ZNF827: variants seen among roughly 807,000 people sequenced by gnomAD.
ZNF827 encodes zinc finger protein 827.
Under a neutral mutation model 102.4 loss-of-function variants are expected in ZNF827, and 13 were observed. That is an observed-to-expected ratio of 0.13 (90% confidence interval 0.08 to 0.20). The LOEUF is 0.20. Among genes scored for constraint, ZNF827 ranks in the 10% least tolerant of loss-of-function variants. ZNF827 has a pLI of 1.00. For synonymous variants in ZNF827, 523 were observed against 536.2 expected, an observed-to-expected ratio of 0.98 and a Z score of 0.34; for missense variants, 1,103 against 1,344.4, an observed-to-expected ratio of 0.82 and a Z score of 2.81.
At chr4:145,869,412 C>T (rs999267254) in intron 5 of ZNF827, among the ~76,000 whole-genome samples, 5 of 152,134 alleles carry the variant, frequency 3.3e-5, no homozygotes, top group South Asian at 2.1e-4. Context: ...AAACAGCTTT[C>T]GATTCATATT....
chr4:145,924,863 G>C (rs1405159126), intron 1 of ZNF827, among the ~76,000 whole-genome samples: 1 of 152,014 alleles, frequency 6.6e-6, no homozygotes. Context: ...CCTTATCTTA[G>C]TGTCTCTCAC....
At chr4:145,846,802 G>A (rs929765655) in intron 6 of ZNF827, among the ~76,000 whole-genome samples, 3 of 145,636 alleles carry the variant, frequency 2.1e-5, no homozygotes, top group African/African-American at 7.7e-5. Context: ...GAGCAACAGA[G>A]CAAGACTCTG....
Position 145,761,816 on chromosome 4 carries a change from G to T in ZNF827, c.*18-218C>A, listed in dbSNP as rs1734549739. On this transcript the variant is annotated intron_variant, in intron 14 of 14. Coordinates refer to ENST00000508784, the MANE Select transcript of ZNF827 (RefSeq NM_001306215.2). The surrounding 1 kb of genome is among the most constrained non-coding windows in gnomAD (Gnocchi z 6.8). ...CCCGCTGACAAGCAGCTCTGGCAAG[G>T]TCCGCTCAGCCTATTCTGGGTCTCT... is the stretch of plus-strand genomic sequence containing the variant. 6.6e-6 allele frequency among the ~76,000 whole-genome samples: 1 copy of T among 152,292 alleles called. No individual in the cohort carries two copies.
chr4:145,852,628 G>A (rs1195149746), intron 5 of ZNF827, among the ~76,000 whole-genome samples: 3 of 152,060 alleles, frequency 2.0e-5, no homozygotes, highest in East Asian at 1.9e-4. Flanking sequence ...TCTCAACCTC[G>A]GTACTACTGA....
At chr4:145,767,753 T>A (rs985607961) in intron 11 of ZNF827, among the ~76,000 whole-genome samples, 2 of 152,118 alleles carry the variant, frequency 1.3e-5, no homozygotes, top group African/African-American at 2.4e-5. Context: ...TAAAATCTTA[T>A]ACCCAGTGAA....
intron 7 of ZNF827, among the ~76,000 whole-genome samples, chr4:145,827,198 C>T (rs984326278): frequency 6.6e-6 from 1 of 152,210 alleles, no homozygotes. Flanking sequence ...CATCTGCACT[C>T]TTTCCCGCTC....
intron 7 of ZNF827, among the ~76,000 whole-genome samples, chr4:145,841,417 GT>G (rs1745404675): frequency 6.6e-6 from 1 of 152,170 alleles, no homozygotes; most frequent in African/African-American, 2.4e-5. Flanking sequence ...ATAATAGCTA[GT>G]TATCTGCTCC....
rs112549441 is a variant in ZNF827, at chr4:145,778,099, T to C, written c.2521+1275A>G. Among the ~76,000 whole-genome samples the C allele has an allele frequency of 1.4e-3, 212 of 152,260 alleles. 1 individual carries two copies. Among genetic ancestry groups the C allele is most frequent in the African/African-American group, 4.8e-3 (200 of 41,584 alleles). On this transcript the variant is annotated intron_variant, in intron 9 of 14. Transcript: ENST00000508784. The stretch of plus-strand genomic sequence containing the variant: ...AAATATAAAAAGAAAAGACACCAGT[T>C]TGGGCAGCATGGAGAAACCCCATTT...
chr4:145,923,631 T>C lies in ZNF827; in HGVS notation c.43+14734A>G, dbSNP rs566883350. 5.9e-5 allele frequency among the ~76,000 whole-genome samples: 9 copies of C among 152,164 alleles called. No individual in the cohort carries two copies. The South Asian group carries it at 1.5e-3, about 25-fold the overall frequency. ...AAAAAAGACTGAATGCCGTAGCAGA[T>C]AGGAGACTCTCGTTGTCTTCTGTTA... On this transcript the variant is annotated intron_variant, in intron 1 of 14. Coordinates refer to ENST00000508784, the MANE Select transcript of ZNF827 (RefSeq NM_001306215.2).
intron 3 of ZNF827, among the ~76,000 whole-genome samples, chr4:145,889,896 A>G (rs1478483784): frequency 6.6e-6 from 1 of 151,568 alleles, no homozygotes; most frequent in Non-Finnish European, 1.5e-5. Flanking sequence ...AGAATCGCTT[A>G]GAGCCCGGAG....
chr4:145,909,933 T>A (rs144241926), intron 1 of ZNF827, among the ~76,000 whole-genome samples: 41 of 152,250 alleles, frequency 2.7e-4, no homozygotes, highest in African/African-American at 9.6e-4. Context: ...GGACAGAGAC[T>A]CGGAGATTAC....
rs954391741 is a variant in ZNF827, at chr4:145,758,355, C to A, written c.*3261G>T. 6.6e-6 allele frequency: 1 copy of A among 152,178 alleles called. No individual in the cohort carries two copies. Among genetic ancestry groups the A allele is most frequent in the African/African-American group, 2.4e-5 (1 of 41,442 alleles). 9.4% of individuals were successfully genotyped at this position (152,178 alleles called of 1,614,324 possible). ...CGTTCTTGAAAGTTTCAACCCTAGA[C>A]CTCCTATTGCACAAGTGGCATGCTG... On this transcript the variant is annotated 3_prime_UTR_variant, in exon 15 of 15. Coordinates refer to ENST00000508784, the MANE Select transcript of ZNF827 (RefSeq NM_001306215.2).
Position 145,774,510 on chromosome 4 carries a change from G to A in ZNF827, c.2856C>T (p.His952=). ...AEIKTHIGTK[H]TGEDRKTPSE... is the part of the protein sequence containing the mutation. Reference sequence around the variant, plus strand: ...AGGACAGACAGGAATGGTCACCTGTGTGCTTGGTGCCAATGTGAGTCTTTA... The same window carrying A: ...AGGACAGACAGGAATGGTCACCTGTATGCTTGGTGCCAATGTGAGTCTTTA... The change falls in exon 11 of 15, where the codon CAC becomes CAT. Residue 952 remains histidine, a synonymous_variant. Transcript: ENST00000508784. The A allele has an allele frequency of 6.2e-7, 1 of 1,610,068 alleles. No individual in the cohort carries two copies. The highest frequency in any genetic ancestry group is 2.2e-5 in the East Asian group (1 of 44,850).
At chr4:145,832,148 C>T (rs2126549739) in intron 7 of ZNF827, 1 of 152,270 alleles carries the variant, frequency 6.6e-6, no homozygotes, top group East Asian at 1.9e-4. Context: ...GCCTGTAGTC[C>T]CAGCTACATG....
intron 1 of ZNF827, among the ~76,000 whole-genome samples, chr4:145,905,005 G>A (rs569708519): frequency 1.6e-4 from 24 of 152,338 alleles, no homozygotes; most frequent in South Asian, 1.4e-3. Context: ...ACTGCAAGGC[G>A]TGAGAAGTGA....
At chr4:145,882,334 G>T (rs1442619039) in intron 4 of ZNF827, among the ~76,000 whole-genome samples, 1 of 152,206 alleles carries the variant, frequency 6.6e-6, no homozygotes, top group Non-Finnish European at 1.5e-5. Flanking sequence ...AGCCCTGAAA[G>T]CTGCCCATAC....
At chr4:145,886,549 A>G (rs1360572417) in intron 3 of ZNF827, among the ~76,000 whole-genome samples, 2 of 152,188 alleles carry the variant, frequency 1.3e-5, no homozygotes, top group African/African-American at 2.4e-5. Flanking sequence ...TTCCTCTCAC[A>G]ATAATGATAC....
chr4:145,890,812 A>T (rs1750529447), intron 3 of ZNF827, among the ~76,000 whole-genome samples: 1 of 152,232 alleles, frequency 6.6e-6, no homozygotes, highest in South Asian at 2.1e-4. Context: ...AATTCAGCCA[A>T]CCAGAACTCC....
intron 9 of ZNF827, among the ~76,000 whole-genome samples, chr4:145,776,862 C>T (rs1364804497): frequency 1.3e-5 from 2 of 152,002 alleles, no homozygotes; most frequent in Non-Finnish European, 2.9e-5. Context: ...TAATGGAAAC[C>T]CTCTCATAAA....
Sources: gnomAD v4.1 joint callset for allele counts (sites outside exome capture counted in the v4.1 genomes callset) on GRCh38, gnomAD v4.1.1 for gene constraint, Gnocchi (gnomAD v3.1) non-coding constraint, MANE v1.5 for transcripts, NCBI Gene and HGNC (gene_info 2026-07-23, HGNC 2026-07-21) for gene names.